C18orf63: variants seen among roughly 807,000 people sequenced by gnomAD.
The protein encoded by C18orf63 is uncharacterized protein C18orf63.
Under a neutral mutation model 75.3 loss-of-function variants are expected in C18orf63, and 50 were observed. The ratio of observed to expected loss-of-function variants is 0.66; its 90% CI spans 0.53 to 0.84. The LOEUF (loss-of-function observed/expected upper bound fraction) is 0.84. Among genes scored for constraint, C18orf63 ranks in the 40% least tolerant of loss-of-function variants. The probability of loss-of-function intolerance (pLI) is 0.00; values close to 1 mark genes in which losing one functional copy is unlikely to be tolerated. For synonymous variants in C18orf63, 232 were observed against 267.6 expected, an observed-to-expected ratio of 0.87 and a Z score of 1.30; for missense variants, 732 against 800.2, an observed-to-expected ratio of 0.91 and a Z score of 1.03.
intron 8 of C18orf63, among the ~76,000 whole-genome samples, chr18:74,339,931 G>A (rs1984451985): frequency 6.6e-6 from 1 of 152,080 alleles, no homozygotes; most frequent in Non-Finnish European, 1.5e-5. Context: ...TAACAACCAA[G>A]GAGGTGAAAG....
rs371232911 is a variant in C18orf63, at chr18:74,349,637, T to C, written c.979-3609T>C. Among the ~76,000 whole-genome samples the C allele has an allele frequency of 7.3e-4, 111 of 152,216 alleles. No homozygotes were observed. The East Asian group carries it at 0.01, about 14-fold the overall frequency. On this transcript the variant is annotated intron_variant, in intron 11 of 13. Transcript: ENST00000579455. ...CTTATGAGAATCGAATGCCTGATGA[T>C]CTGAGATGGAACAGTTTCATTTCAA... is the stretch of plus-strand genomic sequence containing the variant.
chr18:74,343,718 T>C lies in C18orf63; in HGVS notation c.978+16T>C, dbSNP rs746391106. 9.0e-6 allele frequency: 13 copies of C among 1,446,964 alleles called. No individual in the cohort carries two copies. Among genetic ancestry groups the C allele is most frequent in the Non-Finnish European group, 1.2e-5 (13 of 1,093,422 alleles). The allele number at this position is 1,446,964 out of a possible 1,614,324, so 89.6% of individuals were successfully genotyped here. Reference sequence around the variant, plus strand: ...TAATATACAGGTAAGAGATCTCTTGTCCTATCTAGTTCTCCAAGACATACT... The same window carrying C: ...TAATATACAGGTAAGAGATCTCTTGCCCTATCTAGTTCTCCAAGACATACT... On this transcript the variant is annotated intron_variant, in intron 11 of 13. Transcript: ENST00000579455.
intron 1 of C18orf63, 121 bp downstream of exon 1, chr18:74,316,230 A>G (rs1984021343): frequency 6.6e-6 from 1 of 152,110 alleles, no homozygotes; most frequent in Non-Finnish European, 1.5e-5. Context: ...GGTCAGGAAA[A>G]AAATGTATTC....
chr18:74,345,104 CTG>C (rs1441435619), intron 11 of C18orf63, among the ~76,000 whole-genome samples: 3 of 151,996 alleles, frequency 2.0e-5, no homozygotes, highest in East Asian at 1.9e-4. Context: ...GTATTTATTA[CTG>C]TGTGTTTTTA....
Position 74,345,435 on chromosome 18 carries a change from C to G in C18orf63, c.978+1733C>G, listed in dbSNP as rs888164125. On this transcript the variant is annotated intron_variant, in intron 11 of 13. Coordinates refer to ENST00000579455, the MANE Select transcript of C18orf63 (RefSeq NM_001174123.2). ...TCTTTATGGTTGCTACTTTTTGTAC[C>G]CTGTTTAAAAAATCTTTCTGTACCC... is the stretch of plus-strand genomic sequence containing the variant. Among the ~76,000 whole-genome samples, 9 of 151,702 alleles carry G rather than the reference C, an allele frequency of 5.9e-5. No individual in the cohort carries two copies. In the South Asian group the frequency reaches 1.9e-3, roughly 32 times the overall value.
chr18:74,324,518 A>G (rs543977158), intron 4 of C18orf63, among the ~76,000 whole-genome samples: 1 of 152,188 alleles, frequency 6.6e-6, no homozygotes, highest in Non-Finnish European at 1.5e-5. Flanking sequence ...TGGTTTTGTT[A>G]TATGTCATTT....
chr18:74,344,388 C>T (rs1394420215), intron 11 of C18orf63, among the ~76,000 whole-genome samples: 1 of 151,740 alleles, frequency 6.6e-6, no homozygotes, highest in Non-Finnish European at 1.5e-5. Context: ...TTTTTAAAAT[C>T]TATTCTTATG....
At position 74,358,290 on chromosome 18, in the gene C18orf63, G is replaced by A. The variant is rs1408516959; in HGVS notation, c.*1843G>A. On this transcript the variant is annotated 3_prime_UTR_variant, in exon 14 of 14. Transcript: ENST00000579455. ...CATGGCAAAACCTGCCATGTTTAGT[G>A]TATTTTTTTGTATAAAGTAGGTTTG... The A allele has an allele frequency of 7.4e-6, 1 of 135,024 alleles. No individual in the cohort carries two copies. The highest frequency in any genetic ancestry group is 2.7e-5 in the African/African-American group (1 of 36,986). 8.4% of individuals were successfully genotyped at this position (135,024 alleles called of 1,614,324 possible).
At chr18:74,354,982 CTA>C (rs1397456187) in intron 13 of C18orf63, among the ~76,000 whole-genome samples, 1 of 152,206 alleles carries the variant, frequency 6.6e-6, no homozygotes. Context: ...ACAGTGCTGG[CTA>C]TGTTTAAACT....
At chr18:74,324,616 G>A (rs1227346383) in intron 4 of C18orf63, among the ~76,000 whole-genome samples, 1 of 152,060 alleles carries the variant, frequency 6.6e-6, no homozygotes, top group Non-Finnish European at 1.5e-5. Context: ...TTTATACTAA[G>A]CATCATCATT....
intron 13 of C18orf63, among the ~76,000 whole-genome samples, chr18:74,356,274 CCTT>C (rs1223311182): frequency 6.6e-6 from 1 of 152,002 alleles, no homozygotes; most frequent in Non-Finnish European, 1.5e-5. Context: ...ACCCCCCCTC[CCTT>C]CTTCTATCTG....
intron 10 of C18orf63, among the ~76,000 whole-genome samples, chr18:74,343,052 A>G (rs2145127189): frequency 6.6e-6 from 1 of 152,306 alleles, no homozygotes. Flanking sequence ...GTTATTCAAA[A>G]TCTACAGAAT....
Position 74,353,492 on chromosome 18 carries a change from G to A in C18orf63, c.1225G>A (p.Glu409Lys). Residue 409 changes from glutamate (E) to lysine (K), a missense_variant, in exon 12 of 14, where the codon GAA becomes AAA. By Grantham distance (56) the Glu-to-Lys change is moderately conservative. Coordinates refer to ENST00000579455, the MANE Select transcript of C18orf63 (RefSeq NM_001174123.2). ...TATCAGGGCTCCACAAGTACATTCA[G>A]AAGTATTAATGCCCAACAGAGGAAA... ...LSIRAPQVHS[E>K]VLMPNRGNTQ... 6.5e-7 allele frequency: 1 copy of A among 1,536,504 alleles called. No individual in the cohort carries two copies. Among genetic ancestry groups the A allele is most frequent in the African/African-American group, 1.4e-5 (1 of 73,156 alleles).
At chr18:74,340,722 A>T (rs1252618129) in intron 8 of C18orf63, among the ~76,000 whole-genome samples, 3 of 151,876 alleles carry the variant, frequency 2.0e-5, no homozygotes, top group African/African-American at 7.2e-5. Flanking sequence ...GAATCTAAGG[A>T]ATATTATGTT....
At chr18:74,318,097 CAACTT>C in intron 2 of C18orf63, 98 bp downstream of exon 2, 2 of 688,850 alleles carry the variant, frequency 2.9e-6, no homozygotes, top group South Asian at 4.7e-5. Flanking sequence ...CTCATTCACT[CAACTT>C]GTGTTTATAA....
intron 10 of C18orf63, 124 bp from the exon 11 acceptor site, chr18:74,343,394 TA>T: frequency 1.8e-6 from 1 of 557,754 alleles, no homozygotes; most frequent in Non-Finnish European, 3.1e-6. Flanking sequence ...ATAAGCAATA[TA>T]AAAGAGTTAA....
In C18orf63 at chr18:74,357,732, GTTAA is replaced by G. The variant is rs1175860309; in HGVS notation, c.*1292_*1295del. On this transcript the variant is annotated 3_prime_UTR_variant, in exon 14 of 14. Transcript: ENST00000579455. ...ACTCCTGCTCCTGAAATTGTGTTTA[GTTAA>G]TTAATTTGCTATATACCTTTATTGT... 1 of 152,146 alleles carries G rather than the reference GTTAA, an allele frequency of 6.6e-6. No individual in the cohort carries two copies. The highest frequency in any genetic ancestry group is 1.5e-5 in the Non-Finnish European group (1 of 68,010). 9.4% of individuals were successfully genotyped at this position (152,146 alleles called of 1,614,324 possible).
At chr18:74,320,673 AG>A in intron 3 of C18orf63, 82 bp downstream of exon 3, 1 of 810,436 alleles carries the variant, frequency 1.2e-6, no homozygotes, top group Non-Finnish European at 1.9e-6. Context: ...TTATAGCTAA[AG>A]TTAAGATGTT....
intron 6 of C18orf63, among the ~76,000 whole-genome samples, chr18:74,330,488 A>C (rs1445260104): frequency 1.3e-5 from 2 of 152,172 alleles, no homozygotes; most frequent in Non-Finnish European, 2.9e-5. Flanking sequence ...CAAGTCAGAA[A>C]CATGGTGTGA....
Sources: allele counts gnomAD v4.1 joint callset (sites outside exome capture counted in the v4.1 genomes callset), GRCh38; gene constraint gnomAD v4.1.1; transcripts MANE v1.5; gene names NCBI Gene and HGNC (gene_info 2026-07-23, HGNC 2026-07-21).